The following FBXO36 variants were observed in gnomAD, a reference collection of about 807,000 sequenced individuals.
FBXO36 encodes F-box protein 36, also known as F-box only protein 36.
FBXO36 carries 18 observed loss-of-function variants against 17.0 expected under a neutral mutation model. That is an observed-to-expected ratio of 1.06 (90% CI 0.73 to 1.57). FBXO36 has a LOEUF of 1.57. Ranked by LOEUF, FBXO36 falls within the 40% of genes most tolerant of loss-of-function variation. FBXO36 has a pLI of 0.00. For synonymous variants in FBXO36, 83 were observed against 85.3 expected (o/e 0.97, Z 0.15); for missense variants, 229 against 221.9 (o/e 1.03, Z -0.20).
chr2:229,963,561 C>T (rs1354589197), intron 1 of FBXO36, among the ~76,000 whole-genome samples: 1 of 151,688 alleles, frequency 6.6e-6, no homozygotes. Flanking sequence ...TCTCCTGCCT[C>T]AGCCTCCCGA....
chr2:229,981,322 C>G (rs2077238520), intron 2 of FBXO36, among the ~76,000 whole-genome samples: 1 of 151,954 alleles, frequency 6.6e-6, no homozygotes, highest in African/African-American at 2.4e-5. Flanking sequence ...GACCACCCCC[C>G]CATCTCTAAA....
intron 1 of FBXO36, among the ~76,000 whole-genome samples, chr2:229,974,845 C>G (rs1346372907): frequency 2.0e-5 from 3 of 152,082 alleles, no homozygotes; most frequent in African/African-American, 7.2e-5. Context: ...GCTTGATACC[C>G]CTCTGTTGTT....
At chr2:229,978,568 CAA>C (rs2077222023) in intron 2 of FBXO36, among the ~76,000 whole-genome samples, 2 of 151,928 alleles carry the variant, frequency 1.3e-5, no homozygotes, top group South Asian at 2.1e-4. Context: ...GCCTGGGCAA[CAA>C]GAGTGAAATT....
chr2:229,944,937 G>T (rs1172658213), intron 1 of FBXO36, among the ~76,000 whole-genome samples: 1 of 152,132 alleles, frequency 6.6e-6, no homozygotes, highest in Non-Finnish European at 1.5e-5. Flanking sequence ...ATTTAGTTAG[G>T]TTTATTTAGA....
At chr2:229,927,916 G>C (rs1428719122) in intron 1 of FBXO36, among the ~76,000 whole-genome samples, 4 of 152,198 alleles carry the variant, frequency 2.6e-5, no homozygotes, top group Admixed American at 6.5e-5. Context: ...AATTAAACTA[G>C]ACTTGGTGAT....
At chr2:229,993,834 G>A (rs1025973113) in intron 2 of FBXO36, among the ~76,000 whole-genome samples, 17 of 151,964 alleles carry the variant, frequency 1.1e-4, no homozygotes, top group Non-Finnish European at 1.3e-4. Context: ...GCAGTGGCAC[G>A]ATCTCAGCTC....
chr2:229,994,064 G>A (rs968503565), intron 2 of FBXO36, among the ~76,000 whole-genome samples: 9 of 152,058 alleles, frequency 5.9e-5, no homozygotes, highest in South Asian at 2.1e-4. Context: ...GAGCCACTGC[G>A]CCTGGCCAAC....
At chr2:229,988,259 A>G (rs1384192580) in intron 2 of FBXO36, among the ~76,000 whole-genome samples, 1 of 152,206 alleles carries the variant, frequency 6.6e-6, no homozygotes, top group Non-Finnish European at 1.5e-5. Context: ...TATTTCATAT[A>G]AATATTTCTA....
chr2:229,988,737 T>C (rs766052256), intron 2 of FBXO36, among the ~76,000 whole-genome samples: 15 of 151,912 alleles, frequency 9.9e-5, no homozygotes, highest in Non-Finnish European at 2.2e-4. Flanking sequence ...GGTTTCTCCA[T>C]GTTGCTCAGG....
At chr2:229,931,817 C>A (rs911703103) in intron 1 of FBXO36, among the ~76,000 whole-genome samples, 1 of 151,858 alleles carries the variant, frequency 6.6e-6, no homozygotes, top group East Asian at 1.9e-4. Flanking sequence ...CTGGCCTGGG[C>A]GACAGAGTGA....
At chr2:229,984,574 G>C (rs1378971263) in intron 2 of FBXO36, among the ~76,000 whole-genome samples, 1 of 151,434 alleles carries the variant, frequency 6.6e-6, no homozygotes, top group Non-Finnish European at 1.5e-5. Context: ...ATTTTTAGTA[G>C]AGACGGGGTT....
At chr2:229,949,924 CAAAACA>C (rs953590712) in intron 1 of FBXO36, among the ~76,000 whole-genome samples, 81 of 152,114 alleles carry the variant, frequency 5.3e-4, no homozygotes, top group African/African-American at 1.6e-3. Flanking sequence ...GACTCCGTCT[CAAAACA>C]AAAACAAAAA....
intron 3 of FBXO36, among the ~76,000 whole-genome samples, chr2:230,010,170 A>C (rs982162924): frequency 3.3e-5 from 5 of 152,130 alleles, no homozygotes; most frequent in Non-Finnish European, 7.4e-5. Flanking sequence ...CTGAGGCAGG[A>C]GAATCACTTG....
At chr2:229,927,527 A>G (rs1179026347) in intron 1 of FBXO36, among the ~76,000 whole-genome samples, 2 of 152,170 alleles carry the variant, frequency 1.3e-5, no homozygotes, top group Admixed American at 1.3e-4. Context: ...CAAATACTGG[A>G]AAAGTGTTAG....
chr2:229,985,209 A>G (rs2077261989), intron 2 of FBXO36, among the ~76,000 whole-genome samples: 1 of 152,220 alleles, frequency 6.6e-6, no homozygotes, highest in African/African-American at 2.4e-5. Context: ...TGCACCTAAA[A>G]TGAGACTTCA....
intron 1 of FBXO36, among the ~76,000 whole-genome samples, chr2:229,942,124 C>T (rs1560434171): frequency 1.3e-5 from 2 of 152,104 alleles, no homozygotes; most frequent in Admixed American, 6.6e-5. Flanking sequence ...TAACTAAGGA[C>T]TTTTAGGAGG....
At position 229,949,739 on chromosome 2, in the gene FBXO36, C is replaced by A. The variant is rs565838356; in HGVS notation, c.97-26502C>A. The stretch of plus-strand genomic sequence containing the variant: ...AGGAGATTGAGACCATCCTGGCTGA[C>A]ACGGTGAAACCCTGACTCTACTAAA... On this transcript the variant is annotated intron_variant, in intron 1 of 3. Transcript: ENST00000283946. Among the ~76,000 whole-genome samples, 20 of 152,150 alleles carry A rather than the reference C, an allele frequency of 1.3e-4. No homozygotes were observed. In the South Asian group the frequency reaches 3.7e-3, roughly 28 times the overall value.
At chr2:230,003,224 A>T (rs936512378) in intron 3 of FBXO36, among the ~76,000 whole-genome samples, 1 of 151,944 alleles carries the variant, frequency 6.6e-6, no homozygotes, top group Non-Finnish European at 1.5e-5. Context: ...AAAAAAAAAA[A>T]AAAAAAAAGT....
intron 1 of FBXO36, among the ~76,000 whole-genome samples, chr2:229,946,809 A>G (rs2077029549): frequency 6.6e-6 from 1 of 152,220 alleles, no homozygotes. Context: ...TGCCAAGCAC[A>G]GTGTGAACTC....
Sources: gnomAD v4.1 joint callset for allele counts (sites outside exome capture counted in the v4.1 genomes callset) on GRCh38, gnomAD v4.1.1 for gene constraint, MANE v1.5 for transcripts, NCBI Gene and HGNC (gene_info 2026-07-23, HGNC 2026-07-21) for gene names.